The following ZNF30 variants were observed in gnomAD, a reference collection of about 807,000 sequenced individuals.
ZNF30 encodes the protein zinc finger protein 30 (KOX 28).
Under a neutral mutation model 13.2 loss-of-function variants are expected in ZNF30, and 15 were observed. That is an observed-to-expected ratio of 1.13 (90% CI 0.76 to 1.75). The LOEUF (loss-of-function observed/expected upper bound fraction) is 1.75, where lower values mean the gene tolerates loss of function less well. ZNF30 is among the 40% of genes most tolerant of loss of function. The pLI is 0.00. For synonymous variants in ZNF30, 223 were observed against 256.6 expected (o/e 0.87, Z 1.25); for missense variants, 726 against 757.0 (o/e 0.96, Z 0.48).
In ZNF30 at chr19:34,927,142, T is replaced by C; in HGVS notation, c.-139T>C. 1 of 394,010 alleles carries C rather than the reference T, an allele frequency of 2.5e-6. No individual in the cohort carries two copies. Among genetic ancestry groups the C allele is most frequent in the Non-Finnish European group, 4.5e-6 (1 of 223,462 alleles). 24.4% of individuals were successfully genotyped at this position (394,010 alleles called of 1,614,324 possible). ...GTTGGAGCAGCCCCGCCGGGCAACT[T>C]GAATTTCTGCAAACGAACACAGCAC... On this transcript the variant is annotated 5_prime_UTR_variant, in exon 1 of 5. Coordinates refer to ENST00000601142, the MANE Select transcript of ZNF30 (RefSeq NM_194325.3).
chr19:34,943,437 T>G lies in ZNF30; in HGVS notation c.471T>G (p.Phe157Leu). ...GATGTAAAGAATGTGGGAAGAACTT[T>G]AGTAATGGACATCAACTCACCATAC... Reference protein sequence around the residue: ...PNRCKECGKNFSNGHQLTIHQ... With the variant: ...PNRCKECGKNLSNGHQLTIHQ... Residue 157 changes from phenylalanine to leucine, a missense_variant, in exon 5 of 5, where the codon TTT becomes TTG. Transcript: ENST00000601142. 8.1e-6 allele frequency: 13 copies of G among 1,613,980 alleles called. No homozygotes were observed. Among genetic ancestry groups the G allele is most frequent in the Non-Finnish European group, 1.1e-5 (13 of 1,179,886 alleles).
At position 34,943,929 on chromosome 19, in the gene ZNF30, T is replaced by C. The variant is rs1396503206; in HGVS notation, c.963T>C (p.Cys321=). ...TGEKPYECKE[C]GKSFTVYGQL... is the part of the protein sequence containing the mutation. Reference sequence around the variant, plus strand: ...AGAAACCCTATGAATGTAAGGAGTGTGGGAAGTCCTTCACTGTGTATGGAC... The same window carrying C: ...AGAAACCCTATGAATGTAAGGAGTGCGGGAAGTCCTTCACTGTGTATGGAC... Residue 321 remains cysteine (C), a synonymous_variant, in exon 5 of 5, where the codon TGT becomes TGC. Transcript: ENST00000601142. The C allele has an allele frequency of 1.2e-6, 2 of 1,614,138 alleles. No individual in the cohort carries two copies. Among genetic ancestry groups the C allele is most frequent in the Admixed American group, 3.3e-5 (2 of 60,028 alleles).
rs964563157 is a variant in ZNF30, at chr19:34,944,396, T to C, written c.1430T>C (p.Ile477Thr). ...GTACATCTCACACAGCATCGGAAAATTCATACTGATGTAAAGCCCTATGAA... is the reference window on the plus strand; with the variant it reads ...GTACATCTCACACAGCATCGGAAAACTCATACTGATGTAAAGCCCTATGAA... The part of the protein sequence containing the change: ...VHVHLTQHRK[I>T]HTDVKPYECK... The change falls in exon 5 of 5, where the codon ATT (isoleucine) becomes ACT (threonine). Residue 477 changes from isoleucine to threonine, a missense_variant. By Grantham distance (89) the Ile-to-Thr change is moderately conservative. Transcript: ENST00000601142. 1.9e-6 allele frequency: 3 copies of C among 1,613,996 alleles called. No individual in the cohort carries two copies. In the African/African-American group the frequency reaches 4.0e-5, roughly 22 times the overall value.
In ZNF30 at chr19:34,929,868, T is replaced by A. The variant is rs184994655; in HGVS notation, c.-64-16T>A. ...AGAACACTAAAGCCTCCTTTTCTCC[T>A]CTCTGGATTTTCTAGCTTTTGAACT... On this transcript the variant is annotated splice_polypyrimidine_tract_variant and intron_variant, in intron 1 of 4. Coordinates refer to ENST00000601142, the MANE Select transcript of ZNF30 (RefSeq NM_194325.3). The A allele has an allele frequency of 1.6e-4, 223 of 1,358,450 alleles. 1 individual carries two copies. In the East Asian group the frequency reaches 5.1e-3, roughly 31 times the overall value. 84.1% of individuals were successfully genotyped at this position (1,358,450 alleles called of 1,614,324 possible). A position where few individuals can be genotyped will look rare whatever the true frequency, so the allele number is the denominator to read the frequency against.
At chr19:34,928,221 ATATATATATATATAT>A (rs1298227676) in intron 1 of ZNF30, among the ~76,000 whole-genome samples, 1 of 66,626 alleles carries the variant, frequency 1.5e-5, no homozygotes, top group African/African-American at 4.6e-5. Flanking sequence ...AAAAAAAAAA[ATATATATATATATAT>A]ATATATATAT....
In ZNF30 at chr19:34,927,049, A is replaced by C; in HGVS notation, c.-232A>C. On this transcript the variant is annotated 5_prime_UTR_variant, in exon 1 of 5. Coordinates refer to ENST00000601142, the MANE Select transcript of ZNF30 (RefSeq NM_194325.3). ...TCAATCTCTGCCTCCTCGCCAGTTC[A>C]TTGTGGTCGTTGACCCGGCAGCGAG... is the stretch of plus-strand genomic sequence containing the variant. 2.5e-6 allele frequency: 1 copy of C among 398,518 alleles called. No individual in the cohort carries two copies. The highest frequency in any genetic ancestry group is 4.4e-6 in the Non-Finnish European group (1 of 225,980). 24.7% of individuals were successfully genotyped at this position (398,518 alleles called of 1,614,324 possible).
Position 34,928,140 on chromosome 19 carries a change from G to A in ZNF30, c.-65+924G>A, listed in dbSNP as rs149041025. 3.7e-4 allele frequency among the ~76,000 whole-genome samples: 56 copies of A among 150,252 alleles called. No individual in the cohort carries two copies. The East Asian group carries it at 0.011, about 28-fold the overall frequency. On this transcript the variant is annotated intron_variant, in intron 1 of 4. Transcript: ENST00000601142. ...GAAGTGCTTGAAGCTGGGAGGCGGCGGAGGTTGCAGTGAGTGGAGATGGCA... is the reference window on the plus strand; with the variant it reads ...GAAGTGCTTGAAGCTGGGAGGCGGCAGAGGTTGCAGTGAGTGGAGATGGCA...
rs1215467559 is a variant in ZNF30, at chr19:34,928,221, ATATAT to A, written c.-65+1006_-65+1010del. ...AGATCCCTTCTCTAAAAAAAAAAAAATATATATATATATATATATATATATATATA... is the reference window on the plus strand; with the variant it reads ...AGATCCCTTCTCTAAAAAAAAAAAAAATATATATATATATATATATATATA... On this transcript the variant is annotated intron_variant, in intron 1 of 4. Transcript: ENST00000601142. 7.5e-4 allele frequency among the ~76,000 whole-genome samples: 50 copies of A among 66,636 alleles called. No individual in the cohort carries two copies. The East Asian group carries it at 0.012, about 16-fold the overall frequency. 43.7% of individuals were successfully genotyped at this position (66,636 alleles called of 152,430 possible).
chr19:34,943,825 C>CA lies in ZNF30; in HGVS notation c.859_860insA (p.Pro287HisfsTer12). On this transcript the variant is annotated frameshift_variant, in exon 5 of 5. Coordinates refer to ENST00000601142, the MANE Select transcript of ZNF30 (RefSeq NM_194325.3). LOFTEE classifies it low-confidence loss of function (END_TRUNC). Reference sequence around the variant, plus strand: ...TCAGCGAATTCATACCAGTGAAAAACCTTACGAATGCAAAGAATGTGGGAA... The same window carrying CA: ...TCAGCGAATTCATACCAGTGAAAAACACTTACGAATGCAAAGAATGTGGGAA... The CA allele has an allele frequency of 1.2e-6, 2 of 1,614,050 alleles. No individual in the cohort carries two copies. Among genetic ancestry groups the CA allele is most frequent in the Non-Finnish European group, 1.7e-6 (2 of 1,179,972 alleles).
At chr19:34,941,051 G>A (rs73929235) in intron 4 of ZNF30, among the ~76,000 whole-genome samples, 4,420 of 152,226 alleles carry the variant, frequency 0.029, 218 homozygotes, top group African/African-American at 0.1. Context: ...TGAAAGGCAC[G>A]GTACTTTTTC....
In ZNF30 at chr19:34,943,363, T is replaced by C. The variant is rs760840324; in HGVS notation, c.397T>C (p.Ser133Pro). 1 of 1,613,976 alleles carries C rather than the reference T, an allele frequency of 6.2e-7. No homozygotes were observed. Among genetic ancestry groups the C allele is most frequent in the Admixed American group, 1.7e-5 (1 of 60,016 alleles). Residue 133 changes from serine (S) to proline (P), a missense_variant, in exon 5 of 5, where the codon TCA becomes CCA. Coordinates refer to ENST00000601142, the MANE Select transcript of ZNF30 (RefSeq NM_194325.3). ...ATATGGAAAGACCCTTTGTCAAGAC[T>C]CAAAGCCTGTTCAACATGAAAGAAT... ...QEYGKTLCQD[S>P]KPVQHERIHS...
rs574529634 is a variant in ZNF30 at position 34,927,002 on chromosome 19, C to T, written c.-279C>T. ...GCCAATGTAGCCTGAAACTACATTT[C>T]TCAGCGGCCACTGGAACGACCTCAA... is the stretch of plus-strand genomic sequence containing the variant. On this transcript the variant is annotated 5_prime_UTR_variant, in exon 1 of 5. Coordinates refer to ENST00000601142, the MANE Select transcript of ZNF30 (RefSeq NM_194325.3). 4.8e-5 allele frequency: 19 copies of T among 398,660 alleles called. No individual in the cohort carries two copies. Among genetic ancestry groups the T allele is most frequent in the African/African-American group, 3.5e-4 (17 of 48,764 alleles). The allele number at this position is 398,660 out of a possible 1,614,324, so 24.7% of individuals were successfully genotyped here.
rs1211878142 is a variant in ZNF30 at position 34,944,438 on chromosome 19, A to T, written c.1472A>T (p.Lys491Met). ...VKPYECKECG[K>M]TFSRASYLVQ... Reference sequence around the variant, plus strand: ...CCCTATGAATGTAAGGAATGTGGAAAGACTTTTAGTCGAGCCTCGTACCTT... The same window carrying T: ...CCCTATGAATGTAAGGAATGTGGAATGACTTTTAGTCGAGCCTCGTACCTT... The change falls in exon 5 of 5, where the codon AAG becomes ATG. Residue 491 changes from lysine (K) to methionine (M), a missense_variant. By Grantham distance (95) the Lys-to-Met change is moderately conservative (BLOSUM62 -1). Coordinates refer to ENST00000601142, the MANE Select transcript of ZNF30 (RefSeq NM_194325.3). 1.2e-6 allele frequency: 2 copies of T among 1,613,826 alleles called. No individual in the cohort carries two copies. Among genetic ancestry groups the T allele is most frequent in the African/African-American group, 2.7e-5 (2 of 74,866 alleles).
chr19:34,931,252 G>A (rs981055377), intron 2 of ZNF30, among the ~76,000 whole-genome samples: 1 of 152,072 alleles, frequency 6.6e-6, no homozygotes, highest in African/African-American at 2.4e-5. Context: ...GGCCAGGCTG[G>A]TCTCGAACTC....
chr19:34,945,007 A>T lies in ZNF30; in HGVS notation c.*169A>T. ...ACATAAGAATATTCCTTTGTCATTT[A>T]TAGGTTTGTAATACCAATATTTATA... On this transcript the variant is annotated 3_prime_UTR_variant, in exon 5 of 5. Transcript: ENST00000601142. 1.5e-6 allele frequency: 1 copy of T among 685,440 alleles called. No homozygotes were observed. The highest frequency in any genetic ancestry group is 2.2e-6 in the Non-Finnish European group (1 of 445,336). The allele number at this position is 685,440 out of a possible 1,614,324, so 42.5% of individuals were successfully genotyped here. A position where few individuals can be genotyped will look rare whatever the true frequency, so the allele number is the denominator to read the frequency against.
chr19:34,925,880 G>A (rs1426671043), upstream of ZNF30, among the ~76,000 whole-genome samples: 1 of 151,588 alleles, frequency 6.6e-6, no homozygotes, highest in African/African-American at 2.4e-5. Flanking sequence ...GGCTTAATAA[G>A]AACAGAGCTC....
At chr19:34,929,139 G>C (rs1449354799) in intron 1 of ZNF30, among the ~76,000 whole-genome samples, 1 of 152,110 alleles carries the variant, frequency 6.6e-6, no homozygotes, top group Non-Finnish European at 1.5e-5. Flanking sequence ...AACTTAGCTG[G>C]GCGTGACTAT....
At chr19:34,928,258 TAGATAGATAG>T (rs1391163183) in intron 1 of ZNF30, among the ~76,000 whole-genome samples, 169 of 52,786 alleles carry the variant, frequency 3.2e-3, no homozygotes, top group African/African-American at 0.025. Flanking sequence ...TATATATAGA[TAGATAGATAG>T]ATAGATACAT....
intron 4 of ZNF30, among the ~76,000 whole-genome samples, chr19:34,939,128 TC>T (rs2012893683): frequency 1.5e-5 from 1 of 67,404 alleles, no homozygotes; most frequent in Non-Finnish European, 2.6e-5. Flanking sequence ...TTGTCTCCCC[TC>T]CCCTCCCCTC....
Sources: gnomAD v4.1 joint callset for allele counts (sites outside exome capture counted in the v4.1 genomes callset) on GRCh38, gnomAD v4.1.1 for gene constraint, MANE v1.5 for transcripts, NCBI Gene and HGNC (gene_info 2026-07-23, HGNC 2026-07-21) for gene names.